Variants in MYO18A observed in about 807,000 individuals in gnomAD.
MYO18A encodes the protein myosin XVIIIA.
A neutral mutation model predicts 235.8 loss-of-function variants in MYO18A; 78 were observed. The observed-to-expected ratio is 0.33, with a 90% CI of 0.28 to 0.40. The LOEUF (loss-of-function observed/expected upper bound fraction) is 0.40. Among genes scored for constraint, MYO18A ranks in the 10% least tolerant of loss-of-function variants. MYO18A has a pLI of 1.00. For missense variants in MYO18A, 2,215 were observed against 2,699.3 expected (o/e 0.82, Z 3.98); for synonymous variants, 977 against 1,077.8 (o/e 0.91, Z 1.83).
At position 29,074,945 on chromosome 17, in the gene MYO18A, A is replaced by C; in HGVS notation, c.6021-31T>G. The C allele has an allele frequency of 6.2e-7, 1 of 1,612,124 alleles. No individual in the cohort carries two copies. Among genetic ancestry groups the C allele is most frequent in the Non-Finnish European group, 8.5e-7 (1 of 1,178,412 alleles). Reference sequence around the variant, plus strand: ...GGGACCGAGGAATAAGGTTAGGGACAAATGACACTCCTACCATTAAGCACG... The same window carrying C: ...GGGACCGAGGAATAAGGTTAGGGACCAATGACACTCCTACCATTAAGCACG... On this transcript the variant is annotated intron_variant, in intron 41 of 41. Transcript: ENST00000527372. The surrounding 1 kb of genome is among the most constrained non-coding windows in gnomAD (Gnocchi z 4.4).
In MYO18A at chr17:29,073,134, G is replaced by GAA. The variant is rs2065905294; in HGVS notation, c.*1634_*1635dup. On this transcript the variant is annotated 3_prime_UTR_variant, in exon 42 of 42. Coordinates refer to ENST00000527372, the MANE Select transcript of MYO18A (RefSeq NM_078471.4). ...GGGAGAGAGGGAGGGACGGAAGGAG[G>GAA]AAGAGAAGAGAAGAGAAGAGAATCT... The GAA allele has an allele frequency of 1.8e-5, 1 of 55,790 alleles. No homozygotes were observed. The highest frequency in any genetic ancestry group is 3.3e-5 in the Non-Finnish European group (1 of 30,640). 3.5% of individuals were successfully genotyped at this position (55,790 alleles called of 1,614,324 possible).
intron 10 of MYO18A, among the ~76,000 whole-genome samples, chr17:29,116,725 TCCCCCCCC>T (rs969314500): frequency 0.032 from 114 of 3,568 alleles, 3 homozygotes; most frequent in African/African-American, 0.059. Flanking sequence ...AAACACACCC[TCCCCCCCC>T]CCCCCCCCCC....
intron 7 of MYO18A, 95 bp from the exon 8 acceptor site, chr17:29,119,530 G>C: frequency 5.1e-6 from 4 of 784,782 alleles, no homozygotes; most frequent in Non-Finnish European, 7.9e-6. Flanking sequence ...TGGTCCTCTA[G>C]GCCCTGGGGA....
chr17:29,147,773 T>C (rs1387529865), intron 2 of MYO18A, among the ~76,000 whole-genome samples: 2 of 151,724 alleles, frequency 1.3e-5, no homozygotes, highest in Non-Finnish European at 2.9e-5. Flanking sequence ...GGCCTGCAAC[T>C]GTAGTCTTAG....
rs375895372 is a variant in MYO18A, at chr17:29,114,056, C to G, written c.2553G>C (p.Thr851=). 3 of 1,604,328 alleles carry G rather than the reference C, an allele frequency of 1.9e-6. No individual in the cohort carries two copies. The highest frequency in any genetic ancestry group is 1.7e-6 in the Non-Finnish European group (2 of 1,175,700). The change falls in exon 15 of 42, where the codon ACG becomes ACC. Residue 851 remains threonine, a synonymous_variant. Transcript: ENST00000527372. The stretch of plus-strand genomic sequence containing the variant: ...GGTCCACAGCAGCCACAGAGTCATC[C>G]GTCGGGGGTTCCAAGTCGTCAAACG... ...ELAFDDLEPP[T]DDSVAAVDQA...
chr17:29,124,657 C>T (rs2067278244), intron 2 of MYO18A: 1 of 1,284,426 alleles, frequency 7.8e-7, no homozygotes, highest in Non-Finnish European at 1.0e-6. Context: ...CCCTACCTGG[C>T]TGTGGGCATG....
chr17:29,143,575 A>T (rs1357789817), intron 2 of MYO18A, among the ~76,000 whole-genome samples: 1 of 152,130 alleles, frequency 6.6e-6, no homozygotes, highest in Non-Finnish European at 1.5e-5. Context: ...TCTACCTATG[A>T]TCATAAGCGG....
intron 21 of MYO18A, 34 bp from the exon 22 acceptor site, chr17:29,099,796 C>T (rs1169992426): frequency 1.0e-5 from 16 of 1,604,464 alleles, no homozygotes; most frequent in Non-Finnish European, 1.4e-5. Flanking sequence ...AGGCAGGATA[C>T]TGGGCCAGCC....
At chr17:29,139,540 C>A (rs2067686150) in intron 2 of MYO18A, among the ~76,000 whole-genome samples, 2 of 152,132 alleles carry the variant, frequency 1.3e-5, no homozygotes, top group South Asian at 4.2e-4. Context: ...ATCTCAGGCT[C>A]CTGATGCACC....
intron 41 of MYO18A, 26 bp downstream of exon 41, chr17:29,082,290 C>T: frequency 3.1e-6 from 5 of 1,613,286 alleles, no homozygotes; most frequent in Non-Finnish European, 4.2e-6. Context: ...GTGGCTTTTC[C>T]TCCCAGCTCA....
intron 2 of MYO18A, among the ~76,000 whole-genome samples, chr17:29,163,723 G>A (rs570176486): frequency 6.6e-6 from 1 of 152,332 alleles, no homozygotes; most frequent in African/African-American, 2.4e-5. Context: ...AAACCAAACA[G>A]CATCTGGGAT....
Position 29,114,103 on chromosome 17 carries a change from A to G in MYO18A, c.2512-6T>C. On this transcript the variant is annotated splice_polypyrimidine_tract_variant and splice_region_variant and intron_variant, in intron 14 of 41. Transcript: ENST00000527372. ...AACGCCAGCTCGATGTTCTCCTGGG[A>G]AAGAAGGCCGAGCGGTAGTGAGCAT... 1 of 1,589,746 alleles carries G rather than the reference A, an allele frequency of 6.3e-7. No homozygotes were observed. Among genetic ancestry groups the G allele is most frequent in the Non-Finnish European group, 8.6e-7 (1 of 1,168,148 alleles).
intron 2 of MYO18A, among the ~76,000 whole-genome samples, chr17:29,155,938 C>T (rs2068057453): frequency 6.6e-6 from 1 of 152,210 alleles, no homozygotes; most frequent in Non-Finnish European, 1.5e-5. Flanking sequence ...GTCCTACAGA[C>T]AAGTCACCTA....
chr17:29,141,202 C>T (rs1467076892), intron 2 of MYO18A, among the ~76,000 whole-genome samples: 1 of 152,174 alleles, frequency 6.6e-6, no homozygotes, highest in Non-Finnish European at 1.5e-5. Flanking sequence ...GGTGTCTAGC[C>T]AATGAGTGAT....
At chr17:29,101,220 A>G (rs1449887854) in intron 21 of MYO18A, among the ~76,000 whole-genome samples, 4 of 150,298 alleles carry the variant, frequency 2.7e-5, no homozygotes, top group African/African-American at 7.4e-5. Flanking sequence ...CTGGTCTTGA[A>G]CTCCTGGCAT....
intron 22 of MYO18A, among the ~76,000 whole-genome samples, chr17:29,099,265 A>G (rs1326344887): frequency 6.6e-6 from 1 of 152,244 alleles, no homozygotes; most frequent in Non-Finnish European, 1.5e-5. Flanking sequence ...ACCCTGGCCT[A>G]GCTGTGCTAT....
At chr17:29,100,296 G>A (rs1406336890) in intron 21 of MYO18A, among the ~76,000 whole-genome samples, 1 of 152,234 alleles carries the variant, frequency 6.6e-6, no homozygotes, top group Non-Finnish European at 1.5e-5. Context: ...AGGAAAAGCG[G>A]GGAGAATGGG....
Position 29,094,774 on chromosome 17 carries a change from T to C in MYO18A, c.4586A>G (p.Gln1529Arg). Reference protein sequence around the residue: ...LEAELQDISSQESKDEASLAK... With the variant: ...LEAELQDISSRESKDEASLAK... ...CAGAGAAGCCTCATCCTTGGACTCTTGGGAAGAAATGTCCTGGAGCTCTGC... is the reference window on the plus strand; with the variant it reads ...CAGAGAAGCCTCATCCTTGGACTCTCGGGAAGAAATGTCCTGGAGCTCTGC... The change falls in exon 30 of 42, where the codon CAA becomes CGA. Residue 1529 changes from glutamine (Q) to arginine (R), a missense_variant. Gln to Arg is a conservative substitution (Grantham distance 43, BLOSUM62 1). Coordinates refer to ENST00000527372, the MANE Select transcript of MYO18A (RefSeq NM_078471.4). 6.2e-7 allele frequency: 1 copy of C among 1,614,040 alleles called. No individual in the cohort carries two copies. The highest frequency in any genetic ancestry group is 8.5e-7 in the Non-Finnish European group (1 of 1,179,910).
Position 29,095,071 on chromosome 17 carries a change from T to G in MYO18A, c.4386-12A>C. On this transcript the variant is annotated splice_polypyrimidine_tract_variant and intron_variant, in intron 28 of 41. Transcript: ENST00000527372. ...GCTCACTGTCAAACCTGCGAGGGAG[T>G]GTGGCGGCTCCATCAGATGGGGAAG... The G allele has an allele frequency of 6.6e-7, 1 of 1,516,496 alleles. No individual in the cohort carries two copies. The highest frequency in any genetic ancestry group is 1.3e-5 in the South Asian group (1 of 79,246). 93.9% of individuals were successfully genotyped at this position (1,516,496 alleles called of 1,614,324 possible).
Sources: gnomAD v4.1 joint callset for allele counts (sites outside exome capture counted in the v4.1 genomes callset) on GRCh38, gnomAD v4.1.1 for gene constraint, Gnocchi (gnomAD v3.1) non-coding constraint, MANE v1.5 for transcripts, NCBI Gene and HGNC (gene_info 2026-07-23, HGNC 2026-07-21) for gene names.